The following DOCK8 variants were observed in gnomAD, a reference collection of about 807,000 sequenced individuals.
The protein encoded by DOCK8 is dedicator of cytokinesis protein 8.
Under a neutral mutation model 245.6 loss-of-function variants are expected in DOCK8, and 141 were observed. The ratio of observed to expected loss-of-function variants is 0.57; its 90% CI spans 0.50 to 0.66. The LOEUF (loss-of-function observed/expected upper bound fraction) is 0.66, where lower values mean the gene tolerates loss of function less well. Among genes scored for constraint, DOCK8 ranks in the 30% least tolerant of loss-of-function variants. DOCK8 has a pLI of 0.00. For missense variants in DOCK8, 2,965 were observed against 2,603.4 expected (o/e 1.14, Z -3.02); for synonymous variants, 1,168 against 970.2 (o/e 1.20, Z -3.79).
intron 4 of DOCK8, among the ~76,000 whole-genome samples, chr9:294,369 G>A (rs540924948): frequency 6.6e-6 from 1 of 152,308 alleles, no homozygotes; most frequent in African/African-American, 2.4e-5. Flanking sequence ...GAAAAGTCGT[G>A]CTGTTTCATT....
rs1366357520 is a variant in DOCK8, at chr9:449,852, C to A, written c.5886C>A (p.Ala1962=). Residue 1962 remains alanine (A), a synonymous_variant, in exon 45 of 48, where the codon GCC becomes GCA. Transcript: ENST00000432829. ...MKKKTLQLAV[A]INQEPPDAKM... ...AGAAGACCCTGCAGTTAGCAGTTGC[C>A]ATTAACCAGGAGCCGCCTGATGCAA... The A allele has an allele frequency of 6.2e-7, 1 of 1,613,640 alleles. No homozygotes were observed. Among genetic ancestry groups the A allele is most frequent in the Non-Finnish European group, 8.5e-7 (1 of 1,180,018 alleles).
In DOCK8 at chr9:425,092, C is replaced by T. The variant is rs187821112; in HGVS notation, c.4242-1793C>T. Among the ~76,000 whole-genome samples, 5 of 152,194 alleles carry T rather than the reference C, an allele frequency of 3.3e-5. No individual in the cohort carries two copies. The East Asian group carries it at 9.6e-4, about 29-fold the overall frequency. ...AGTATTTTTTATCTTTTAGGATAAACAAAATATATTAAAAATAATTTCACT... is the reference window on the plus strand; with the variant it reads ...AGTATTTTTTATCTTTTAGGATAAATAAAATATATTAAAAATAATTTCACT... On this transcript the variant is annotated intron_variant, in intron 33 of 47. Coordinates refer to ENST00000432829, the MANE Select transcript of DOCK8 (RefSeq NM_203447.4).
chr9:428,523 C>G (rs1564057086), intron 35 of DOCK8, 27 bp downstream of exon 35: 1 of 1,613,690 alleles, frequency 6.2e-7, no homozygotes, highest in Non-Finnish European at 8.5e-7. Flanking sequence ...TGTTTTCTTC[C>G]TCTTAATTAA....
intron 22 of DOCK8, among the ~76,000 whole-genome samples, chr9:383,585 A>G (rs1052363060): frequency 6.6e-6 from 1 of 151,624 alleles, no homozygotes; most frequent in African/African-American, 2.4e-5. Flanking sequence ...CTGTAATTCT[A>G]GCTACTCAGG....
rs1332157483 is a variant in DOCK8, at chr9:451,975, ATATTTTTTTTTTTTTTT to A, written c.5962-34_5962-18del. The A allele has an allele frequency of 1.8e-4, 40 of 225,196 alleles. No individual in the cohort carries two copies. Among genetic ancestry groups the A allele is most frequent in the South Asian group, 6.5e-4 (10 of 15,422 alleles). The allele number at this position is 225,196 out of a possible 1,614,324, so 13.9% of individuals were successfully genotyped here. A position where few individuals can be genotyped will look rare whatever the true frequency, so the allele number is the denominator to read the frequency against. ...TGTGTGTATATATATATATATATAT[ATATTTTTTTTTTTTTTT>A]TTTTTTTTTTCCCACCAGGGACCAC... On this transcript the variant is annotated intron_variant, in intron 45 of 47. Transcript: ENST00000432829.
At chr9:334,150 T>G (rs1038514036) in intron 10 of DOCK8, 75 bp from the exon 11 acceptor site, 1 of 1,542,656 alleles carries the variant, frequency 6.5e-7, no homozygotes, top group Non-Finnish European at 8.9e-7. Flanking sequence ...TGGAGATGGC[T>G]GTCATATTCA....
intron 20 of DOCK8, 115 bp from the exon 21 acceptor site, chr9:379,656 G>A: frequency 1.7e-6 from 2 of 1,145,854 alleles, no homozygotes; most frequent in East Asian, 2.5e-5. Flanking sequence ...CCCTTCCCAG[G>A]CCTAGTTAAA....
At chr9:213,349 G>C (rs2046652568), upstream of DOCK8, 1 of 152,128 alleles carries the variant, frequency 6.6e-6, no homozygotes, top group African/African-American at 2.4e-5. Context: ...TTTAGTATTA[G>C]GTGACAAATT....
intron 17 of DOCK8, 123 bp from the exon 18 acceptor site, chr9:372,062 A>G: frequency 1.2e-6 from 1 of 861,602 alleles, no homozygotes; most frequent in Non-Finnish European, 1.9e-6. Flanking sequence ...AATTACTGCC[A>G]AAAAGAGTAC....
intron 23 of DOCK8, among the ~76,000 whole-genome samples, chr9:387,818 C>G (rs117796860): frequency 0.028 from 4,198 of 152,362 alleles, 94 homozygotes; most frequent in Middle Eastern, 0.068. Flanking sequence ...ATTTTCCTTT[C>G]TTAAAAACCA....
In DOCK8 at chr9:400,283, CCTT is replaced by C. The variant is rs1171008074; in HGVS notation, c.3234+1026_3234+1028del. On this transcript the variant is annotated intron_variant, in intron 26 of 47. Coordinates refer to ENST00000432829, the MANE Select transcript of DOCK8 (RefSeq NM_203447.4). ...ACCACCTCCACCATCACCACCACTTCCTTCACCACCACCACCATCTTCACCGTC... is the reference window on the plus strand; with the variant it reads ...ACCACCTCCACCATCACCACCACTTCCACCACCACCACCATCTTCACCGTC... Among the ~76,000 whole-genome samples the C allele has an allele frequency of 6.3e-4, 33 of 52,006 alleles. 1 individual carries two copies. Among genetic ancestry groups the C allele is most frequent in the Non-Finnish European group, 8.6e-4 (26 of 30,356 alleles). The allele number at this position is 52,006 out of a possible 152,430, so 34.1% of individuals were successfully genotyped here.
At chr9:442,082 A>C in intron 42 of DOCK8, 73 bp downstream of exon 42, 1 of 1,584,440 alleles carries the variant, frequency 6.3e-7, no homozygotes, top group Non-Finnish European at 8.6e-7. Flanking sequence ...CATCACCAAA[A>C]ATAAACAAAT....
rs147611560 is a variant in DOCK8, at chr9:433,883, A to G, written c.4794A>G (p.Glu1598=). ...GCTTACACTTTTTGCAGGTGGAGGAACTTCTCTGTAATCTGAATAGCATCT... is the reference window on the plus strand; with the variant it reads ...GCTTACACTTTTTGCAGGTGGAGGAGCTTCTCTGTAATCTGAATAGCATCT... ...QMTPFPTQVE[E]LLCNLNSILY... Residue 1598 remains glutamate, a synonymous_variant, in exon 38 of 48, where the codon GAA becomes GAG. Coordinates refer to ENST00000432829, the MANE Select transcript of DOCK8 (RefSeq NM_203447.4). 6.2e-7 allele frequency: 1 copy of G among 1,613,734 alleles called. No homozygotes were observed. The highest frequency in any genetic ancestry group is 8.5e-7 in the Non-Finnish European group (1 of 1,179,756).
chr9:358,125 C>T (rs1268768794), intron 14 of DOCK8, among the ~76,000 whole-genome samples: 1 of 152,126 alleles, frequency 6.6e-6, no homozygotes, highest in Non-Finnish European at 1.5e-5. Flanking sequence ...CATTCTGTCA[C>T]CCAGGCTGGA....
intron 11 of DOCK8, among the ~76,000 whole-genome samples, chr9:335,155 G>A (rs762544963): frequency 6.6e-6 from 1 of 152,142 alleles, no homozygotes; most frequent in Non-Finnish European, 1.5e-5. Context: ...ACTTTGCCAA[G>A]TGCAATGAAA....
At chr9:311,592 C>T (rs2050113292) in intron 5 of DOCK8, among the ~76,000 whole-genome samples, 2 of 152,086 alleles carry the variant, frequency 1.3e-5, no homozygotes, top group South Asian at 4.1e-4. Flanking sequence ...CTCTGTTTTG[C>T]TCTGGTGTGA....
chr9:328,724 CTTTT>C (rs138574471), intron 9 of DOCK8, among the ~76,000 whole-genome samples: 1 of 145,730 alleles, frequency 6.9e-6, no homozygotes, highest in Non-Finnish European at 1.5e-5. Flanking sequence ...TTTCATCCTC[CTTTT>C]TTTTTTTTCT....
At position 462,977 on chromosome 9, in the gene DOCK8, G is replaced by A. The variant is rs137985855; in HGVS notation, c.6069-540G>A. ...TAAATGCTGACTTTTTAGGGTTGTT[G>A]GGAAAATTAAACAGATAATGCATGT... On this transcript the variant is annotated intron_variant, in intron 46 of 47. Transcript: ENST00000432829. Among the ~76,000 whole-genome samples, 781 of 152,276 alleles carry A rather than the reference G, an allele frequency of 5.1e-3. 6 individuals carry two copies. Among genetic ancestry groups the A allele is most frequent in the South Asian group, 0.031 (150 of 4,830 alleles).
intron 46 of DOCK8, among the ~76,000 whole-genome samples, chr9:454,005 C>T (rs971294976): frequency 2.0e-5 from 3 of 152,140 alleles, no homozygotes; most frequent in Non-Finnish European, 2.9e-5. Context: ...GGACATAGCC[C>T]TGCATGGCTG....
Sources: gnomAD v4.1 joint callset for allele counts (sites outside exome capture counted in the v4.1 genomes callset) on GRCh38, gnomAD v4.1.1 for gene constraint, MANE v1.5 for transcripts, NCBI Gene and HGNC (gene_info 2026-07-23, HGNC 2026-07-21) for gene names.